NUBPL: variants seen among roughly 807,000 people sequenced by gnomAD.
The protein encoded by NUBPL is iron-sulfur cluster transfer protein NUBPL.
NUBPL carries 31 observed loss-of-function variants against 45.7 expected under a neutral mutation model. That is an observed-to-expected ratio of 0.68 (90% CI 0.51 to 0.92). The LOEUF is 0.92. Among genes scored for constraint, NUBPL ranks in the 40% least tolerant of loss-of-function variants. NUBPL has a pLI of 0.00. For missense variants in NUBPL, 401 were observed against 398.7 expected, an observed-to-expected ratio of 1.01 and a Z score of -0.05; for synonymous variants, 144 against 140.9, an observed-to-expected ratio of 1.02 and a Z score of -0.15.
rs534401749 is a variant in NUBPL, at chr14:31,808,525, C to T, written c.608-18104C>T. ...AGCTTAAGGAGATTTTGGGCTGAGA[C>T]GATGGGGTTTTCTAGATATACAATC... On this transcript the variant is annotated intron_variant, in intron 7 of 10. Transcript: ENST00000281081. Among the ~76,000 whole-genome samples, 22 of 152,262 alleles carry T rather than the reference C, an allele frequency of 1.4e-4. No homozygotes were observed. The East Asian group carries it at 1.5e-3, about 11-fold the overall frequency.
chr14:31,849,009 G>T (rs1219744174), intron 9 of NUBPL, among the ~76,000 whole-genome samples: 1 of 152,060 alleles, frequency 6.6e-6, no homozygotes, highest in Non-Finnish European at 1.5e-5. Flanking sequence ...TAGAGAATAG[G>T]AATCAAATTT....
intron 4 of NUBPL, among the ~76,000 whole-genome samples, chr14:31,638,673 C>T (rs11623339): frequency 0.064 from 9,684 of 152,206 alleles, 410 homozygotes; most frequent in Non-Finnish European, 0.091. Flanking sequence ...GGATAACATC[C>T]TGCAGAGTGT....
At chr14:31,858,868 A>C (rs867782963) in intron 10 of NUBPL, among the ~76,000 whole-genome samples, 8 of 152,190 alleles carry the variant, frequency 5.3e-5, no homozygotes, top group African/African-American at 4.8e-5. Context: ...GAATTTGAAA[A>C]ACAGTAATTT....
Position 31,606,329 on chromosome 14 carries a change from C to G in NUBPL, c.382+6950C>G, listed in dbSNP as rs534593228. Reference sequence around the variant, plus strand: ...CTGGTCTTGAACTCCTGGACTCAAGCAATCCTCCTGCTTTGGCCACCCAAA... The same window carrying G: ...CTGGTCTTGAACTCCTGGACTCAAGGAATCCTCCTGCTTTGGCCACCCAAA... On this transcript the variant is annotated intron_variant, in intron 4 of 10. Transcript: ENST00000281081. 1.3e-4 allele frequency among the ~76,000 whole-genome samples: 20 copies of G among 152,142 alleles called. No individual in the cohort carries two copies. In the East Asian group the frequency reaches 2.1e-3, roughly 16 times the overall value.
intron 3 of NUBPL, among the ~76,000 whole-genome samples, chr14:31,571,688 G>T (rs2033590086): frequency 6.6e-6 from 1 of 152,128 alleles, no homozygotes; most frequent in South Asian, 2.1e-4. Context: ...GACCTCAGGT[G>T]ATCTGCCCAC....
At chr14:31,672,844 G>A (rs1020819590) in intron 4 of NUBPL, among the ~76,000 whole-genome samples, 8 of 152,132 alleles carry the variant, frequency 5.3e-5, no homozygotes, top group Non-Finnish European at 8.8e-5. Context: ...TAGTATGCTT[G>A]GTATAATGTT....
intron 6 of NUBPL, among the ~76,000 whole-genome samples, chr14:31,713,070 T>C (rs1046701289): frequency 1.3e-5 from 2 of 152,146 alleles, no homozygotes; most frequent in Non-Finnish European, 2.9e-5. Flanking sequence ...TTTGATACTT[T>C]TTGAGAAGGC....
At chr14:31,737,283 C>G (rs1566532531) in intron 6 of NUBPL, among the ~76,000 whole-genome samples, 1 of 152,120 alleles carries the variant, frequency 6.6e-6, no homozygotes, top group African/African-American at 2.4e-5. Context: ...ACATTTATGT[C>G]TATGATCTCA....
intron 3 of NUBPL, among the ~76,000 whole-genome samples, chr14:31,581,463 A>G (rs774536760): frequency 7.9e-5 from 12 of 152,172 alleles, no homozygotes; most frequent in Admixed American, 1.3e-4. Flanking sequence ...TCCAACTCGT[A>G]TAAGTGGAGT....
At chr14:31,692,251 G>C (rs890045281) in intron 6 of NUBPL, among the ~76,000 whole-genome samples, 1 of 152,076 alleles carries the variant, frequency 6.6e-6, no homozygotes, top group African/African-American at 2.4e-5. Context: ...AAATTTTTCT[G>C]TTGTTAAGAT....
At chr14:31,824,055 C>T (rs948986019) in intron 7 of NUBPL, among the ~76,000 whole-genome samples, 9 of 151,986 alleles carry the variant, frequency 5.9e-5, no homozygotes, top group South Asian at 4.2e-4. Flanking sequence ...TTCCCAGCAA[C>T]GTCTAAGGCA....
intron 4 of NUBPL, among the ~76,000 whole-genome samples, chr14:31,610,746 T>C (rs2034735372): frequency 1.3e-5 from 2 of 152,278 alleles, no homozygotes; most frequent in East Asian, 3.9e-4. Context: ...CAACTGGGAT[T>C]TATCCCTGGG....
At chr14:31,624,430 G>T (rs1206661903) in intron 4 of NUBPL, among the ~76,000 whole-genome samples, 1 of 152,082 alleles carries the variant, frequency 6.6e-6, no homozygotes, top group Admixed American at 6.6e-5. Context: ...GAGAGGTTTG[G>T]GTTAAAGATA....
chr14:31,579,622 T>TA (rs922562888), intron 3 of NUBPL, among the ~76,000 whole-genome samples: 1 of 152,224 alleles, frequency 6.6e-6, no homozygotes, highest in African/African-American at 2.4e-5. Context: ...GTGTCAGACA[T>TA]AAAAATTAAA....
intron 6 of NUBPL, among the ~76,000 whole-genome samples, chr14:31,745,986 C>T (rs1195784040): frequency 6.6e-6 from 1 of 151,914 alleles, no homozygotes; most frequent in Non-Finnish European, 1.5e-5. Flanking sequence ...AATTGGTGGG[C>T]GGATGCTGGG....
At chr14:31,828,236 G>T (rs1269122347) in intron 8 of NUBPL, among the ~76,000 whole-genome samples, 1 of 152,158 alleles carries the variant, frequency 6.6e-6, no homozygotes, top group African/African-American at 2.4e-5. Context: ...GTGTTACTTT[G>T]TATTATGCCC....
At chr14:31,661,687 C>T (rs961263593) in intron 4 of NUBPL, among the ~76,000 whole-genome samples, 1 of 152,130 alleles carries the variant, frequency 6.6e-6, no homozygotes, top group African/African-American at 2.4e-5. Context: ...ACTATAGGCG[C>T]TCACCACCAC....
intron 4 of NUBPL, among the ~76,000 whole-genome samples, chr14:31,615,791 TA>T (rs1287703108): frequency 6.6e-6 from 1 of 152,218 alleles, no homozygotes; most frequent in Non-Finnish European, 1.5e-5. Flanking sequence ...GAATGATCTA[TA>T]ATCCTTTGGG....
intron 6 of NUBPL, among the ~76,000 whole-genome samples, chr14:31,740,220 A>G (rs1160926527): frequency 6.6e-6 from 1 of 152,190 alleles, no homozygotes; most frequent in African/African-American, 2.4e-5. Flanking sequence ...TAATTTTGTA[A>G]GAAACCGCCT....
Sources: allele counts gnomAD v4.1 joint callset (sites outside exome capture counted in the v4.1 genomes callset), GRCh38; gene constraint gnomAD v4.1.1; transcripts MANE v1.5; gene names NCBI Gene and HGNC (gene_info 2026-07-23, HGNC 2026-07-21).